The following CACNG5 variants were observed in gnomAD, a reference collection of about 807,000 sequenced individuals.
CACNG5 encodes the protein calcium voltage-gated channel auxiliary subunit gamma 5, also known as voltage-dependent calcium channel gamma-5 subunit.
Under a neutral mutation model 24.8 loss-of-function variants are expected in CACNG5, and 18 were observed. The observed-to-expected ratio is 0.73, with a 90% confidence interval of 0.50 to 1.08. The LOEUF is 1.08. Among genes scored for constraint, CACNG5 ranks in the 50% least tolerant of loss-of-function variants. The pLI, the probability that CACNG5 is intolerant of heterozygous loss-of-function variation, is 0.00. For synonymous variants in CACNG5, 157 were observed against 149.1 expected (o/e 1.05, Z -0.39); for missense variants, 349 against 367.9 (o/e 0.95, Z 0.42).
intron 1 of CACNG5, among the ~76,000 whole-genome samples, chr17:66,843,338 G>A (rs151300795): frequency 8.1e-4 from 123 of 152,278 alleles, no homozygotes; most frequent in African/African-American, 2.8e-3. Context: ...AGGCAAAGGG[G>A]GACAGGACAT....
At chr17:66,873,445 T>C (rs1458684482) in intron 1 of CACNG5, among the ~76,000 whole-genome samples, 1 of 152,166 alleles carries the variant, frequency 6.6e-6, no homozygotes, top group Non-Finnish European at 1.5e-5. Context: ...TTTCTCGCTT[T>C]TGTAGATTAA....
At chr17:66,836,462 G>C (rs1976483408) in intron 1 of CACNG5, among the ~76,000 whole-genome samples, 1 of 152,194 alleles carries the variant, frequency 6.6e-6, no homozygotes, top group South Asian at 2.1e-4. Flanking sequence ...TGATGTCCTG[G>C]ATTCAGAGTA....
At chr17:66,850,671 CAGA>C (rs1022717115) in intron 1 of CACNG5, among the ~76,000 whole-genome samples, 43 of 151,996 alleles carry the variant, frequency 2.8e-4, no homozygotes, top group African/African-American at 9.9e-4. Flanking sequence ...CTGGGAAATG[CAGA>C]AGAATAGAAA....
chr17:66,858,028 G>C (rs1976805225), intron 1 of CACNG5, among the ~76,000 whole-genome samples: 1 of 152,156 alleles, frequency 6.6e-6, no homozygotes, highest in Non-Finnish European at 1.5e-5. Context: ...CCTGGGAGAG[G>C]TCATGGGCAC....
Position 66,891,440 on chromosome 17 carries a change from G to A in CACNG5, c.*6200G>A, listed in dbSNP as rs923361277. Among the ~76,000 whole-genome samples the A allele has an allele frequency of 6.6e-6, 1 of 152,200 alleles. No homozygotes were observed. Among genetic ancestry groups the A allele is most frequent in the Non-Finnish European group, 1.5e-5 (1 of 68,032 alleles). On this transcript the variant is annotated 3_prime_UTR_variant, in exon 6 of 6. Coordinates refer to ENST00000533854, the MANE Select transcript of CACNG5 (RefSeq NM_145811.3). ...AGGCAGTTGGAGTCAGACAGTGGCT[G>A]TCATTTCAAAGGCTTCCCTGCTCAT...
rs775226474 is a variant in CACNG5 at position 66,878,962 on chromosome 17, G to C, written c.197-10G>C. On this transcript the variant is annotated splice_polypyrimidine_tract_variant and intron_variant, in intron 2 of 5. Coordinates refer to ENST00000533854, the MANE Select transcript of CACNG5 (RefSeq NM_145811.3). ...AGAGGGACCTGGAAATGTGATTCTTGTCTCCACAGGTGAGGAGCGGGGGCG... is the reference window on the plus strand; with the variant it reads ...AGAGGGACCTGGAAATGTGATTCTTCTCTCCACAGGTGAGGAGCGGGGGCG... 1 of 1,604,390 alleles carries C rather than the reference G, an allele frequency of 6.2e-7. No individual in the cohort carries two copies. The highest frequency in any genetic ancestry group is 1.1e-5 in the South Asian group (1 of 90,574).
At position 66,884,696 on chromosome 17, in the gene CACNG5, G is replaced by T. The variant is rs200525239; in HGVS notation, c.570+35G>T. 3 of 1,614,226 alleles carry T rather than the reference G, an allele frequency of 1.9e-6. No homozygotes were observed. In the East Asian group the frequency reaches 6.7e-5, roughly 36 times the overall value. On this transcript the variant is annotated intron_variant, in intron 5 of 5. Transcript: ENST00000533854. ...GTCACCCTAAGTATGGATAGGCTGG[G>T]CCTGGGCACTGCCCCACTGAGCCGG...
In CACNG5 at chr17:66,888,164, C is replaced by G. The variant is rs1977288791; in HGVS notation, c.*2924C>G. Among the ~76,000 whole-genome samples the G allele has an allele frequency of 6.7e-6, 1 of 150,144 alleles. No individual in the cohort carries two copies. The highest frequency in any genetic ancestry group is 1.5e-5 in the Non-Finnish European group (1 of 67,848). On this transcript the variant is annotated 3_prime_UTR_variant, in exon 6 of 6. Transcript: ENST00000533854. ...CAATCTGACATTGGTTCCCCCACAC[C>G]TGGAACTTACTACCCTACTTTTTTT...
chr17:66,860,276 A>G (rs1250857136), intron 1 of CACNG5, among the ~76,000 whole-genome samples: 1 of 152,136 alleles, frequency 6.6e-6, no homozygotes, highest in Admixed American at 6.5e-5. Context: ...CTGTGTCCCA[A>G]CCTCCTTATC....
intron 1 of CACNG5, among the ~76,000 whole-genome samples, chr17:66,844,450 T>G (rs755796487): frequency 4.6e-5 from 7 of 152,162 alleles, no homozygotes; most frequent in Non-Finnish European, 1.0e-4. Flanking sequence ...AAGGTTGACA[T>G]GATGATAAAA....
intron 1 of CACNG5, among the ~76,000 whole-genome samples, chr17:66,863,224 A>G (rs1477341786): frequency 6.6e-6 from 1 of 152,218 alleles, no homozygotes; most frequent in Non-Finnish European, 1.5e-5. Flanking sequence ...ACAGACAAAG[A>G]GAACATCTTA....
At chr17:66,849,372 T>C (rs1224382186) in intron 1 of CACNG5, among the ~76,000 whole-genome samples, 1 of 151,300 alleles carries the variant, frequency 6.6e-6, no homozygotes, top group Non-Finnish European at 1.5e-5. Context: ...GCAGGCCCGA[T>C]GGAGCCAGCC....
intron 1 of CACNG5, among the ~76,000 whole-genome samples, chr17:66,869,410 A>T (rs1382949907): frequency 6.6e-6 from 1 of 152,148 alleles, no homozygotes; most frequent in Non-Finnish European, 1.5e-5. Context: ...TGATTGCAGC[A>T]TTGTACTGAG....
chr17:66,881,975 C>A (rs1020964787), intron 4 of CACNG5, among the ~76,000 whole-genome samples: 2 of 152,034 alleles, frequency 1.3e-5, no homozygotes, highest in African/African-American at 4.8e-5. Flanking sequence ...TAGGAGAAGA[C>A]TTAGATGGAT....
chr17:66,860,886 A>G (rs1458324365), intron 1 of CACNG5, among the ~76,000 whole-genome samples: 1 of 151,814 alleles, frequency 6.6e-6, no homozygotes, highest in Non-Finnish European at 1.5e-5. Flanking sequence ...ATCAGCTATC[A>G]TTAATGTTAG....
rs1306304622 is a variant in CACNG5, at chr17:66,884,509, C to A, written c.425-7C>A. On this transcript the variant is annotated splice_region_variant and splice_polypyrimidine_tract_variant and intron_variant, in intron 4 of 5. Coordinates refer to ENST00000533854, the MANE Select transcript of CACNG5 (RefSeq NM_145811.3). The stretch of plus-strand genomic sequence containing the variant: ...TGAGCATCCCCTCTCCCCTGCTGCC[C>A]AACCAGGCCTCTCTCTCGTGGTGGG... The A allele has an allele frequency of 1.2e-6, 2 of 1,601,388 alleles. No individual in the cohort carries two copies. Among genetic ancestry groups the A allele is most frequent in the South Asian group, 1.1e-5 (1 of 88,794 alleles).
At position 66,884,426 on chromosome 17, in the gene CACNG5, C is replaced by A. The variant is rs796944893; in HGVS notation, c.425-90C>A. 7 of 1,393,912 alleles carry A rather than the reference C, an allele frequency of 5.0e-6. No individual in the cohort carries two copies. In the African/African-American group the frequency reaches 1.0e-4, roughly 20 times the overall value. 86.3% of individuals were successfully genotyped at this position (1,393,912 alleles called of 1,614,324 possible). A position where few individuals can be genotyped will look rare whatever the true frequency, so the allele number is the denominator to read the frequency against. ...TGTTACCCCAAGGCTGGTGGCTTTG[C>A]TCCTGAATTGCAAAGGGAGGTGGGT... On this transcript the variant is annotated intron_variant, in intron 4 of 5. Coordinates refer to ENST00000533854, the MANE Select transcript of CACNG5 (RefSeq NM_145811.3).
In CACNG5 at chr17:66,842,982, C is replaced by T. The variant is rs563812860; in HGVS notation, c.-104+7732C>T. On this transcript the variant is annotated intron_variant, in intron 1 of 5. Transcript: ENST00000533854. ...CTAAAGCACTGTCTTCAGTCCTGCA[C>T]GCCAGCAACTGGAAAGAGGCTGATG... Among the ~76,000 whole-genome samples, 212 of 152,300 alleles carry T rather than the reference C, an allele frequency of 1.4e-3. 1 individual carries two copies. The highest frequency in any genetic ancestry group is 4.7e-3 in the African/African-American group (195 of 41,570).
chr17:66,864,440 A>G (rs1379391868), intron 1 of CACNG5, among the ~76,000 whole-genome samples: 1 of 152,242 alleles, frequency 6.6e-6, no homozygotes, highest in Admixed American at 6.5e-5. Context: ...GAGGTTGTAC[A>G]AAATATAAGT....
Sources: gnomAD v4.1 joint callset for allele counts (sites outside exome capture counted in the v4.1 genomes callset) on GRCh38, gnomAD v4.1.1 for gene constraint, MANE v1.5 for transcripts, NCBI Gene and HGNC (gene_info 2026-07-23, HGNC 2026-07-21) for gene names.